The following HIRA variants were observed in gnomAD, a reference collection of about 807,000 sequenced individuals.
HIRA encodes histone cell cycle regulator.
A neutral mutation model predicts 126.6 loss-of-function variants in HIRA; 13 were observed. That is an observed-to-expected ratio of 0.10 (90% CI 0.07 to 0.16). HIRA has a LOEUF of 0.16. HIRA is among the 10% of genes least tolerant of loss of function. The pLI is 1.00. For synonymous variants in HIRA, 511 were observed against 520.0 expected, an observed-to-expected ratio of 0.98 and a Z score of 0.24; for missense variants, 834 against 1,314.4, an observed-to-expected ratio of 0.63 and a Z score of 5.65.
intron 1 of HIRA, among the ~76,000 whole-genome samples, chr22:19,414,051 G>C (rs1319712421): frequency 6.6e-6 from 1 of 152,066 alleles, no homozygotes. Context: ...TCCAGTGTCT[G>C]GCCTTTCTTT....
chr22:19,426,468 T>G (rs1161876825), intron 1 of HIRA, among the ~76,000 whole-genome samples: 1 of 152,194 alleles, frequency 6.6e-6, no homozygotes, highest in Admixed American at 6.5e-5. Flanking sequence ...ATCACAATTC[T>G]AGTCACGTCA....
At chr22:19,429,216 C>T (rs2089512133) in intron 1 of HIRA, among the ~76,000 whole-genome samples, 2 of 136,440 alleles carry the variant, frequency 1.5e-5, no homozygotes, top group Admixed American at 1.7e-4. Flanking sequence ...CGGCTCACTG[C>T]AACCTCTACC....
chr22:19,360,916 G>A (rs558824040), intron 17 of HIRA, among the ~76,000 whole-genome samples: 1 of 152,362 alleles, frequency 6.6e-6, no homozygotes, highest in Admixed American at 6.5e-5. Flanking sequence ...AGGGCTGTGT[G>A]TGGAGGTGGA....
intron 12 of HIRA, among the ~76,000 whole-genome samples, chr22:19,384,734 A>G (rs1167428162): frequency 2.6e-5 from 4 of 151,494 alleles, no homozygotes; most frequent in South Asian, 2.1e-4. Context: ...GGCACACTGC[A>G]ATATCTGCTT....
rs148903262 is a variant in HIRA at position 19,369,561 on chromosome 22, G to A, written c.1775+6070C>T. ...CCCTCCTCCCTCTCTGAGGAAGTGG[G>A]GGACCTGGGCCTAACTTGCAAGGTG... On this transcript the variant is annotated intron_variant, in intron 15 of 24. Coordinates refer to ENST00000263208, the MANE Select transcript of HIRA (RefSeq NM_003325.4). Among the ~76,000 whole-genome samples, 132 of 152,272 alleles carry A rather than the reference G, an allele frequency of 8.7e-4. 1 individual carries two copies. Among genetic ancestry groups the A allele is most frequent in the African/African-American group, 3.1e-3 (128 of 41,544 alleles).
chr22:19,421,264 A>G (rs565024786), intron 1 of HIRA, among the ~76,000 whole-genome samples: 4 of 148,642 alleles, frequency 2.7e-5, no homozygotes, highest in Non-Finnish European at 5.9e-5. Context: ...GCACCATTGC[A>G]CTCCAGCCTG....
intron 24 of HIRA, among the ~76,000 whole-genome samples, chr22:19,346,740 T>A (rs1556009002): frequency 6.6e-6 from 1 of 152,214 alleles, no homozygotes; most frequent in African/African-American, 2.4e-5. Context: ...CTGTTCTCTC[T>A]CCTTCCCTGA....
At chr22:19,420,379 T>C (rs1342022285) in intron 1 of HIRA, among the ~76,000 whole-genome samples, 1 of 148,528 alleles carries the variant, frequency 6.7e-6, no homozygotes, top group Non-Finnish European at 1.5e-5. Context: ...GGTGGGAGGA[T>C]CTATTGAGCT....
intron 1 of HIRA, among the ~76,000 whole-genome samples, chr22:19,416,268 G>C (rs144055397): frequency 5.1e-4 from 77 of 152,220 alleles, no homozygotes; most frequent in African/African-American, 1.8e-3. Flanking sequence ...AGGAAACATA[G>C]GGGAAAAGCT....
Position 19,335,405 on chromosome 22 carries a change from C to T in HIRA, c.2938-3849G>A, listed in dbSNP as rs541559905. On this transcript the variant is annotated intron_variant, in intron 24 of 24. Transcript: ENST00000263208. ...GACTACAGGCATGTGCCACCACACC[C>T]GGCTAATTTTTGTATTTCTAGTAGA... Among the ~76,000 whole-genome samples the T allele has an allele frequency of 1.3e-4, 20 of 152,146 alleles. No homozygotes were observed. The East Asian group carries it at 1.4e-3, about 10-fold the overall frequency.
At chr22:19,349,051 T>TG (rs1440792040) in intron 24 of HIRA, among the ~76,000 whole-genome samples, 1 of 151,960 alleles carries the variant, frequency 6.6e-6, no homozygotes, top group Admixed American at 6.6e-5. Flanking sequence ...CCCAAAAGGC[T>TG]GGGATTATAG....
intron 18 of HIRA, 111 bp from the exon 19 acceptor site, chr22:19,357,162 T>C: frequency 7.8e-7 from 1 of 1,274,982 alleles, no homozygotes; most frequent in South Asian, 1.3e-5. Context: ...GGGCCTCCCC[T>C]GAGCAGGTAC....
chr22:19,375,986 G>A (rs1014531001), intron 14 of HIRA, among the ~76,000 whole-genome samples, 194 bp from the exon 15 acceptor site: 5 of 152,168 alleles, frequency 3.3e-5, no homozygotes, highest in African/African-American at 1.2e-4. Context: ...ACACCTAGAA[G>A]GTTGTGAGCA....
At chr22:19,384,716 G>A (rs1041705848) in intron 12 of HIRA, among the ~76,000 whole-genome samples, 17 of 151,400 alleles carry the variant, frequency 1.1e-4, no homozygotes, top group African/African-American at 3.4e-4. Context: ...GTGCAGTGGC[G>A]CAGTCTCGGC....
chr22:19,431,689 G>T lies in HIRA; in HGVS notation c.-213C>A. On this transcript the variant is annotated 5_prime_UTR_variant, in exon 1 of 25. In the 5' UTR this introduces an upstream ATG that the reference lacks. Transcript: ENST00000263208. ...CTCGGCCGCCGCCGCCGCCACCACA[G>T]CCGCATCCCCTGCGCCGCTCCTCCT... The T allele has an allele frequency of 2.5e-6, 1 of 393,704 alleles. No individual in the cohort carries two copies. The highest frequency in any genetic ancestry group is 4.1e-6 in the Non-Finnish European group (1 of 245,294). The allele number at this position is 393,704 out of a possible 1,614,324, so 24.4% of individuals were successfully genotyped here.
intron 8 of HIRA, among the ~76,000 whole-genome samples, chr22:19,393,721 C>A (rs2089201301): frequency 2.0e-5 from 3 of 152,158 alleles, no homozygotes; most frequent in African/African-American, 7.2e-5. Context: ...TTGGATGATC[C>A]TTCACTTTTA....
At chr22:19,342,202 A>T (rs1385267155) in intron 24 of HIRA, among the ~76,000 whole-genome samples, 2 of 152,216 alleles carry the variant, frequency 1.3e-5, no homozygotes, top group African/African-American at 4.8e-5. Context: ...TATGAAAAAA[A>T]TGCTCAACAT....
intron 22 of HIRA, 36 bp from the exon 23 acceptor site, chr22:19,353,555 C>A: frequency 6.4e-7 from 1 of 1,560,738 alleles, no homozygotes; most frequent in Admixed American, 1.8e-5. Context: ...GATGGGGCAG[C>A]AGGCACTACA....
intron 12 of HIRA, among the ~76,000 whole-genome samples, chr22:19,384,212 G>GGAGGCT (rs990391033): frequency 4.0e-5 from 6 of 151,494 alleles, no homozygotes; most frequent in Non-Finnish European, 7.4e-5. Flanking sequence ...CAGCTACTCA[G>GGAGGCT]GAGGCTGAGG....
Sources: allele counts gnomAD v4.1 joint callset (sites outside exome capture counted in the v4.1 genomes callset), GRCh38; gene constraint gnomAD v4.1.1; transcripts MANE v1.5; gene names NCBI Gene and HGNC (gene_info 2026-07-23, HGNC 2026-07-21).